PFDN2: variants seen among roughly 807,000 people sequenced by gnomAD.
PFDN2 encodes the protein prefoldin 2.
PFDN2 carries 7 observed loss-of-function variants against 18.3 expected under a neutral mutation model. The observed-to-expected ratio is 0.38, with a 90% CI of 0.22 to 0.72. The LOEUF (loss-of-function observed/expected upper bound fraction) is 0.72, where lower values mean the gene tolerates loss of function less well. PFDN2 is among the 30% of genes least tolerant of loss of function. The probability of loss-of-function intolerance (pLI) is 0.47; values close to 1 mark genes in which losing one functional copy is unlikely to be tolerated. For synonymous variants in PFDN2, 76 were observed against 75.0 expected, an observed-to-expected ratio of 1.01 and a Z score of -0.07; for missense variants, 181 against 199.1, an observed-to-expected ratio of 0.91 and a Z score of 0.55.
Position 161,100,763 on chromosome 1 carries a change from C to G in PFDN2, c.385G>C (p.Glu129Gln), listed in dbSNP as rs778594322. The G allele has an allele frequency of 3.1e-6, 5 of 1,613,834 alleles. No homozygotes were observed. The South Asian group carries it at 5.5e-5, about 18-fold the overall frequency. ...REKHNIRLMG[E>Q]DEKPAAKENS... ...TCCTTGGCTGCTGGCTTCTCATCTT[C>G]TCCCATGAGACGAATGTTGTGCTTT... is the stretch of plus-strand genomic sequence containing the variant. The change falls in exon 4 of 4, where the codon GAA becomes CAA. Residue 129 changes from glutamate (E) to glutamine (Q), a missense_variant. Glu to Gln is a conservative substitution (Grantham distance 29). Transcript: ENST00000368010.
intron 1 of PFDN2, among the ~76,000 whole-genome samples, chr1:161,116,229 TAA>T (rs1312187448): frequency 6.9e-6 from 1 of 145,850 alleles, no homozygotes; most frequent in African/African-American, 2.5e-5. Flanking sequence ...ACTCTGTCTC[TAA>T]AAAAAAAAGT....
chr1:161,114,142 T>G (rs1654861448), intron 1 of PFDN2, among the ~76,000 whole-genome samples: 1 of 152,240 alleles, frequency 6.6e-6, no homozygotes, highest in Admixed American at 6.5e-5. Flanking sequence ...CTCAAATCTG[T>G]ATCTCCAACT....
intron 1 of PFDN2, among the ~76,000 whole-genome samples, chr1:161,110,546 A>T (rs1431736499): frequency 2.0e-5 from 3 of 152,162 alleles, no homozygotes; most frequent in South Asian, 2.1e-4. Flanking sequence ...ATTTTAGGAA[A>T]AAATCTATAA....
At chr1:161,101,319 C>T (rs992904295) in intron 3 of PFDN2, among the ~76,000 whole-genome samples, 3 of 151,686 alleles carry the variant, frequency 2.0e-5, no homozygotes, top group Non-Finnish European at 2.9e-5. Flanking sequence ...CCTGCCTTGC[C>T]CTCCCGAGTA....
At chr1:161,116,760 G>T (rs1005956457) in intron 1 of PFDN2, among the ~76,000 whole-genome samples, 1 of 152,192 alleles carries the variant, frequency 6.6e-6, no homozygotes, top group Admixed American at 6.5e-5. Context: ...AGCTACTCGG[G>T]AGGCTAAGGC....
chr1:161,100,697 C>G lies in PFDN2; in HGVS notation c.451G>C (p.Val151Leu). Reference protein sequence around the residue: ...GAGAKASSAGVLVS With the variant: ...GAGAKASSAGLLVS ...GGCCTTGGTCCCTAGGAGACCAACA[C>G]TCCAGCTGAGCTGGCCTTAGCCCCA... Residue 151 changes from valine (V) to leucine (L), a missense_variant, in exon 4 of 4, where the codon GTG (valine) becomes CTG (leucine). Coordinates refer to ENST00000368010, the MANE Select transcript of PFDN2 (RefSeq NM_012394.4). The G allele has an allele frequency of 6.2e-7, 1 of 1,613,132 alleles. No individual in the cohort carries two copies. Among genetic ancestry groups the G allele is most frequent in the Non-Finnish European group, 8.5e-7 (1 of 1,179,530 alleles).
intron 1 of PFDN2, among the ~76,000 whole-genome samples, chr1:161,104,087 T>C (rs545325595): frequency 6.6e-6 from 1 of 152,354 alleles, no homozygotes; most frequent in South Asian, 2.1e-4. Context: ...TAATGTGTAG[T>C]GTGAACTGAG....
chr1:161,101,965 TCAAAGAGTCC>T, intron 3 of PFDN2, 73 bp downstream of exon 3: 1 of 1,465,152 alleles, frequency 6.8e-7, no homozygotes, highest in South Asian at 1.2e-5. Flanking sequence ...ACTCCCGGAC[TCAAAGAGTCC>T]ACCTGCCTTG....
chr1:161,102,186 C>T lies in PFDN2; in HGVS notation c.165-15G>A, dbSNP rs745943187. ...CGATCACTAGGCTGGGATAGGAGAA[C>T]AAGGCAGGACCTGAGGATTCAGCCC... On this transcript the variant is annotated splice_polypyrimidine_tract_variant and intron_variant, in intron 2 of 3. Transcript: ENST00000368010. The T allele has an allele frequency of 1.2e-6, 2 of 1,614,140 alleles. No homozygotes were observed. Among genetic ancestry groups the T allele is most frequent in the South Asian group, 1.1e-5 (1 of 91,088 alleles).
At chr1:161,115,891 G>A (rs564134765) in intron 1 of PFDN2, among the ~76,000 whole-genome samples, 1 of 152,234 alleles carries the variant, frequency 6.6e-6, no homozygotes, top group South Asian at 2.1e-4. Flanking sequence ...CTGTATCGCT[G>A]TACCCAGCAG....
intron 1 of PFDN2, among the ~76,000 whole-genome samples, chr1:161,111,761 G>A (rs1654813962): frequency 6.6e-6 from 1 of 151,956 alleles, no homozygotes; most frequent in Non-Finnish European, 1.5e-5. Flanking sequence ...CTCCCACAAT[G>A]GCCACAGGAT....
chr1:161,102,357 G>T lies in PFDN2; in HGVS notation c.94C>A (p.Arg32Ser). ...SAEQVIAGFN[R>S]LRQEQRGLAS... The stretch of plus-strand genomic sequence containing the variant: ...AGGCCTCGCTGTTCCTGCCGAAGGC[G>T]GTTGAAGCCAGCAATCACCTAACAA... The change falls in exon 2 of 4, where the codon CGC (arginine) becomes AGC (serine). Residue 32 changes from arginine (R) to serine (S), a missense_variant. Transcript: ENST00000368010. 6.2e-7 allele frequency: 1 copy of T among 1,614,074 alleles called. No homozygotes were observed. Among genetic ancestry groups the T allele is most frequent in the Non-Finnish European group, 8.5e-7 (1 of 1,179,932 alleles).
At position 161,102,392 on chromosome 1, in the gene PFDN2, A is replaced by G; in HGVS notation, c.76-17T>C. 3 of 1,593,190 alleles carry G rather than the reference A, an allele frequency of 1.9e-6. No homozygotes were observed. Among genetic ancestry groups the G allele is most frequent in the Non-Finnish European group, 2.6e-6 (3 of 1,160,952 alleles). ...AGCAATCACCTAACAAGGTGAGAGAAGAGATGAAAGAGGGGATAGTGGAAA... is the reference window on the plus strand; with the variant it reads ...AGCAATCACCTAACAAGGTGAGAGAGGAGATGAAAGAGGGGATAGTGGAAA... On this transcript the variant is annotated splice_polypyrimidine_tract_variant and intron_variant, in intron 1 of 3. Transcript: ENST00000368010.
At chr1:161,117,024 G>C (rs1208641147) in intron 1 of PFDN2, among the ~76,000 whole-genome samples, 1 of 152,154 alleles carries the variant, frequency 6.6e-6, no homozygotes, top group Non-Finnish European at 1.5e-5. Flanking sequence ...CATTAGGTCA[G>C]GAGTTGGAGA....
chr1:161,103,731 T>TG (rs1402043710), intron 1 of PFDN2, among the ~76,000 whole-genome samples: 2 of 148,054 alleles, frequency 1.4e-5, no homozygotes, highest in African/African-American at 5.0e-5. Flanking sequence ...TGGTCAAAGT[T>TG]GGTTTCTGTA....
intron 1 of PFDN2, among the ~76,000 whole-genome samples, chr1:161,107,696 T>G (rs1387886100): frequency 6.7e-6 from 1 of 149,388 alleles, no homozygotes; most frequent in Non-Finnish European, 1.5e-5. Flanking sequence ...ACACCTGTAG[T>G]CCCAGCAACT....
At chr1:161,105,402 T>C (rs1654657278) in intron 1 of PFDN2, among the ~76,000 whole-genome samples, 2 of 151,934 alleles carry the variant, frequency 1.3e-5, no homozygotes, top group African/African-American at 4.8e-5. Context: ...ACGCAGGAGC[T>C]ACCATGCCCA....
At chr1:161,117,891 C>G in intron 1 of PFDN2, 61 bp downstream of exon 1, 1 of 1,401,584 alleles carries the variant, frequency 7.1e-7, no homozygotes, top group Non-Finnish European at 9.9e-7. Flanking sequence ...CACAGGCTCC[C>G]CCTTCTCGCT....
At position 161,100,967 on chromosome 1, in the gene PFDN2, C is replaced by A. The variant is rs1654543817; in HGVS notation, c.289-108G>T. 1.1e-5 allele frequency: 8 copies of A among 741,144 alleles called. No individual in the cohort carries two copies. The South Asian group carries it at 1.5e-4, about 14-fold the overall frequency. 45.9% of individuals were successfully genotyped at this position (741,144 alleles called of 1,614,324 possible). A position where few individuals can be genotyped will look rare whatever the true frequency, so the allele number is the denominator to read the frequency against. ...TTAACACATTTAACCTTACCTTTAA[C>A]CAAGTAGAGGAGCCCAGACATTAAA... On this transcript the variant is annotated intron_variant, in intron 3 of 3. Transcript: ENST00000368010.
Sources: gnomAD v4.1 joint callset for allele counts (sites outside exome capture counted in the v4.1 genomes callset) on GRCh38, gnomAD v4.1.1 for gene constraint, MANE v1.5 for transcripts, NCBI Gene and HGNC (gene_info 2026-07-23, HGNC 2026-07-21) for gene names.